PTPRD: variants seen among roughly 807,000 people sequenced by gnomAD.
The protein encoded by PTPRD is protein tyrosine phosphatase receptor type D.
A neutral mutation model predicts 214.5 loss-of-function variants in PTPRD; 34 were observed. The ratio of observed to expected loss-of-function variants is 0.16; its 90% CI spans 0.12 to 0.21. The LOEUF is 0.21. Among genes scored for constraint, PTPRD ranks in the 10% least tolerant of loss-of-function variants. The pLI is 1.00. For missense variants in PTPRD, 2,545 were observed against 2,398.7 expected, an observed-to-expected ratio of 1.06 and a Z score of -1.27; for synonymous variants, 1,128 against 845.7, an observed-to-expected ratio of 1.33 and a Z score of -5.79.
At chr9:10,578,756 G>C (rs912074484) in intron 2 of PTPRD, among the ~76,000 whole-genome samples, 39 of 152,058 alleles carry the variant, frequency 2.6e-4, no homozygotes, top group African/African-American at 9.2e-4. Context: ...TTTTAGATTT[G>C]GGGGTACATG....
At chr9:8,537,112 T>A (rs1395846938) in intron 14 of PTPRD, among the ~76,000 whole-genome samples, 2 of 151,990 alleles carry the variant, frequency 1.3e-5, no homozygotes, top group Non-Finnish European at 2.9e-5. Flanking sequence ...TGTGTTGACA[T>A]CATGACCATT....
intron 3 of PTPRD, among the ~76,000 whole-genome samples, chr9:10,102,676 TG>T (rs1414571660): frequency 1.3e-5 from 2 of 151,654 alleles, no homozygotes; most frequent in Non-Finnish European, 3.0e-5. Flanking sequence ...GAGGTGATAT[TG>T]TTAGTAGCAC....
chr9:9,359,166 A>T (rs2055015240), intron 9 of PTPRD, among the ~76,000 whole-genome samples: 1 of 151,280 alleles, frequency 6.6e-6, no homozygotes, highest in Non-Finnish European at 1.5e-5. Context: ...CCTAATCAAC[A>T]TTATATCCTT....
intron 5 of PTPRD, among the ~76,000 whole-genome samples, chr9:9,827,867 A>G (rs1383466196): frequency 1.3e-5 from 2 of 152,230 alleles, no homozygotes; most frequent in African/African-American, 2.4e-5. Flanking sequence ...ACTTGTCAAC[A>G]GAAGACAATT....
intron 5 of PTPRD, among the ~76,000 whole-genome samples, chr9:9,922,162 CT>C (rs1175010942): frequency 1.3e-5 from 2 of 152,020 alleles, no homozygotes; most frequent in African/African-American, 4.8e-5. Flanking sequence ...AAACTGAGTG[CT>C]TTAGAAGGCA....
At chr9:9,815,084 C>T (rs897985396) in intron 5 of PTPRD, among the ~76,000 whole-genome samples, 4 of 152,032 alleles carry the variant, frequency 2.6e-5, no homozygotes, top group African/African-American at 9.7e-5. Context: ...AAGCTTGATG[C>T]ACTACATTTC....
intron 16 of PTPRD, 122 bp from the exon 17 acceptor site, chr9:8,526,766 G>T: frequency 1.4e-6 from 1 of 711,276 alleles, no homozygotes; most frequent in Non-Finnish European, 2.2e-6. Flanking sequence ...GGTCTTAAAA[G>T]AAACTTGAAT....
chr9:9,000,001 C>G (rs2099411608), intron 11 of PTPRD, among the ~76,000 whole-genome samples: 1 of 152,004 alleles, frequency 6.6e-6, no homozygotes, highest in African/African-American at 2.4e-5. Context: ...ATATTAGTTT[C>G]CATATGCCAG....
intron 5 of PTPRD, among the ~76,000 whole-genome samples, chr9:9,923,291 G>A (rs533347849): frequency 1.3e-5 from 2 of 150,882 alleles, no homozygotes; most frequent in South Asian, 4.2e-4. Flanking sequence ...TAGAAGAGTG[G>A]AAGATAAAAA....
At chr9:9,333,035 A>G (rs1315799478) in intron 9 of PTPRD, among the ~76,000 whole-genome samples, 1 of 152,054 alleles carries the variant, frequency 6.6e-6, no homozygotes, top group African/African-American at 2.4e-5. Flanking sequence ...GGTGGAACAC[A>G]GAGCACTTCA....
At position 9,132,642 on chromosome 9, in the gene PTPRD, AT is replaced by A. The variant is rs543028138; in HGVS notation, c.-143+50661del. 1.6e-3 allele frequency among the ~76,000 whole-genome samples: 241 copies of A among 152,290 alleles called. 1 individual carries two copies. The highest frequency in any genetic ancestry group is 5.5e-3 in the African/African-American group (228 of 41,564). On this transcript the variant is annotated intron_variant, in intron 10 of 45. Transcript: ENST00000381196. ...ATAAGAAGAAGTCAGTCTCTTTCTA[AT>A]TTAATTAAAAGGATGTTTGATTTTA...
intron 11 of PTPRD, among the ~76,000 whole-genome samples, chr9:8,768,751 T>C (rs1412248885): frequency 6.6e-6 from 1 of 151,744 alleles, no homozygotes; most frequent in East Asian, 1.9e-4. Flanking sequence ...TCCAAAACCC[T>C]TCATTGGAAG....
chr9:9,159,868 A>G (rs1072761), intron 10 of PTPRD, among the ~76,000 whole-genome samples: 48,548 of 152,044 alleles, frequency 0.32, 8,328 homozygotes, highest in Non-Finnish European at 0.39. Flanking sequence ...ATCGACCAAC[A>G]AAACCAGAGA....
At chr9:10,132,307 A>T (rs2098898081) in intron 3 of PTPRD, among the ~76,000 whole-genome samples, 1 of 152,152 alleles carries the variant, frequency 6.6e-6, no homozygotes, top group South Asian at 2.1e-4. Flanking sequence ...TTAATATATC[A>T]TTGATTATTC....
chr9:8,669,375 A>G (rs1466121416), intron 12 of PTPRD, among the ~76,000 whole-genome samples: 1 of 152,148 alleles, frequency 6.6e-6, no homozygotes, highest in Non-Finnish European at 1.5e-5. Flanking sequence ...CACTTCTGCT[A>G]TAGAGATTTC....
At chr9:8,764,875 T>C (rs1285864874) in intron 11 of PTPRD, among the ~76,000 whole-genome samples, 2 of 151,768 alleles carry the variant, frequency 1.3e-5, no homozygotes, top group African/African-American at 2.4e-5. Context: ...ATGATGCATA[T>C]ATTAATATGT....
chr9:8,614,618 A>C (rs1443126004), intron 14 of PTPRD, among the ~76,000 whole-genome samples: 1 of 152,182 alleles, frequency 6.6e-6, no homozygotes, highest in Non-Finnish European at 1.5e-5. Flanking sequence ...ATATCTTTGC[A>C]AAGATAACTA....
intron 9 of PTPRD, among the ~76,000 whole-genome samples, chr9:9,290,650 C>G (rs940631869): frequency 6.6e-6 from 1 of 151,322 alleles, no homozygotes; most frequent in African/African-American, 2.4e-5. Context: ...AAGCCAAACT[C>G]GGTTAATGAC....
intron 11 of PTPRD, among the ~76,000 whole-genome samples, chr9:8,915,548 C>T (rs979243759): frequency 6.6e-6 from 1 of 152,082 alleles, no homozygotes; most frequent in African/African-American, 2.4e-5. Context: ...TACACACACA[C>T]ACATATATGT....
Sources: allele counts gnomAD v4.1 joint callset (sites outside exome capture counted in the v4.1 genomes callset), GRCh38; gene constraint gnomAD v4.1.1; transcripts MANE v1.5; gene names NCBI Gene and HGNC (gene_info 2026-07-23, HGNC 2026-07-21).